The following MAN1C1 variants were observed in gnomAD, a reference collection of about 807,000 sequenced individuals.
MAN1C1 encodes the protein mannosidase alpha class 1C member 1.
MAN1C1 carries 49 observed loss-of-function variants against 71.5 expected under a neutral mutation model. The observed-to-expected ratio is 0.69, with a 90% CI of 0.54 to 0.87. The LOEUF is 0.87. MAN1C1 is among the 40% of genes least tolerant of loss of function. The pLI is 0.00. For synonymous variants in MAN1C1, 352 were observed against 343.7 expected, an observed-to-expected ratio of 1.02 and a Z score of -0.27; for missense variants, 743 against 835.0, an observed-to-expected ratio of 0.89 and a Z score of 1.36.
chr1:25,777,943 T>A (rs1460136373), intron 8 of MAN1C1, among the ~76,000 whole-genome samples, 162 bp from the exon 9 acceptor site: 1 of 152,174 alleles, frequency 6.6e-6, no homozygotes, highest in African/African-American at 2.4e-5. Context: ...CTGGCAGGCA[T>A]CTTGACCAGC....
chr1:25,758,035 C>G (rs2047312112), intron 5 of MAN1C1, among the ~76,000 whole-genome samples: 1 of 152,234 alleles, frequency 6.6e-6, no homozygotes, highest in Admixed American at 6.5e-5. Flanking sequence ...TATGTAGGTT[C>G]CATGAAATTC....
chr1:25,629,724 T>C (rs991598422), intron 1 of MAN1C1, among the ~76,000 whole-genome samples: 6 of 151,146 alleles, frequency 4.0e-5, no homozygotes, highest in African/African-American at 1.5e-4. Flanking sequence ...CCCAGCCATT[T>C]GCCCACTTTT....
Position 25,778,951 on chromosome 1 carries a change from G to C in MAN1C1, c.1477+627G>C, listed in dbSNP as rs1450942196. On this transcript the variant is annotated intron_variant, in intron 9 of 11. Transcript: ENST00000374332. The surrounding 1 kb of genome is among the most constrained non-coding windows in gnomAD (Gnocchi z 5.5). ...CATTCTACACAGAGAAGTGGAGTCA[G>C]CCCAGAGAGGGGAAGTGACTTAGCC... Among the ~76,000 whole-genome samples the C allele has an allele frequency of 6.6e-6, 1 of 152,180 alleles. No homozygotes were observed. Among genetic ancestry groups the C allele is most frequent in the East Asian group, 1.9e-4 (1 of 5,182 alleles).
intron 10 of MAN1C1, 149 bp downstream of exon 10, chr1:25,781,261 G>A: frequency 3.6e-6 from 3 of 833,472 alleles, no homozygotes; most frequent in South Asian, 1.8e-5. Context: ...GGTCAAGGTG[G>A]TGGTTACAGA....
At position 25,783,681 on chromosome 1, in the gene MAN1C1, C is replaced by A; in HGVS notation, c.1785C>A (p.Phe595Leu). 6.2e-7 allele frequency: 1 copy of A among 1,612,858 alleles called. No individual in the cohort carries two copies. ...AETLKYLYLL[F>L]SEDDLLSLED... ...GGCACAGGTATCTCTATCTTCTGTT[C>A]TCTGAAGATGACTTGCTCTCCCTGG... Residue 595 changes from phenylalanine (F) to leucine (L), a missense_variant, in exon 12 of 12, where the codon TTC (phenylalanine) becomes TTA (leucine). Coordinates refer to ENST00000374332, the MANE Select transcript of MAN1C1 (RefSeq NM_020379.4).
rs919563949 is a variant in MAN1C1 at position 25,630,200 on chromosome 1, G to A, written c.540+11863G>A. Among the ~76,000 whole-genome samples the A allele has an allele frequency of 9.9e-5, 15 of 151,966 alleles. No individual in the cohort carries two copies. In the East Asian group the frequency reaches 1.9e-3, roughly 19 times the overall value. On this transcript the variant is annotated intron_variant, in intron 1 of 11. Coordinates refer to ENST00000374332, the MANE Select transcript of MAN1C1 (RefSeq NM_020379.4). ...TTTTTATATGCTTCATCAAAGATCC[G>A]TTGGTTGTAAATATTTGGCTTTATC...
chr1:25,686,046 C>G (rs1195151944), intron 1 of MAN1C1, among the ~76,000 whole-genome samples: 1 of 152,210 alleles, frequency 6.6e-6, no homozygotes, highest in Non-Finnish European at 1.5e-5. Context: ...TTAACAATAC[C>G]TAGCTCGGAG....
At chr1:25,649,265 T>A (rs1311517528) in intron 1 of MAN1C1, among the ~76,000 whole-genome samples, 1 of 152,220 alleles carries the variant, frequency 6.6e-6, no homozygotes, top group Non-Finnish European at 1.5e-5. Flanking sequence ...GAAGAGGCTT[T>A]GTGTTTCCCA....
Position 25,656,418 on chromosome 1 carries a change from G to A in MAN1C1, c.541-30022G>A, listed in dbSNP as rs1208983961. Among the ~76,000 whole-genome samples, 6 of 152,084 alleles carry A rather than the reference G, an allele frequency of 3.9e-5. No homozygotes were observed. The East Asian group carries it at 7.7e-4, about 20-fold the overall frequency. ...GGGCCTATAATGTACTTTTAAAGAC[G>A]TCGTTTCATAATAAGGCTACGGAGA... On this transcript the variant is annotated intron_variant, in intron 1 of 11. Transcript: ENST00000374332.
intron 1 of MAN1C1, chr1:25,644,513 TATATA>T (rs1390325795): frequency 2.0e-5 from 2 of 101,872 alleles, no homozygotes; most frequent in African/African-American, 1.2e-4. Context: ...TATATATATA[TATATA>T]TTTTTTTTTT....
intron 4 of MAN1C1, among the ~76,000 whole-genome samples, chr1:25,751,148 T>C (rs1244135471): frequency 2.6e-5 from 4 of 151,316 alleles, no homozygotes; most frequent in Non-Finnish European, 3.0e-5. Context: ...TTCGTTCATC[T>C]TTCCTTCCAT....
chr1:25,660,230 C>T (rs1396347861), intron 1 of MAN1C1, among the ~76,000 whole-genome samples: 6 of 151,770 alleles, frequency 4.0e-5, no homozygotes, highest in African/African-American at 7.3e-5. Flanking sequence ...GGAGAAACCC[C>T]GTCTCTACTA....
intron 6 of MAN1C1, among the ~76,000 whole-genome samples, chr1:25,763,325 C>G (rs2047384850): frequency 6.6e-6 from 1 of 151,696 alleles, no homozygotes; most frequent in African/African-American, 2.4e-5. Flanking sequence ...CCTGTCTCTA[C>G]TAAAAATACA....
At chr1:25,677,182 G>A (rs1443825295) in intron 1 of MAN1C1, among the ~76,000 whole-genome samples, 1 of 152,208 alleles carries the variant, frequency 6.6e-6, no homozygotes, top group Non-Finnish European at 1.5e-5. Context: ...AGGTAGACAA[G>A]AACATCTTTT....
chr1:25,630,256 A>G (rs995431740), intron 1 of MAN1C1, among the ~76,000 whole-genome samples: 14 of 152,206 alleles, frequency 9.2e-5, no homozygotes, highest in African/African-American at 3.4e-4. Flanking sequence ...CCATGGGTCT[A>G]TGTGCCTACT....
intron 2 of MAN1C1, among the ~76,000 whole-genome samples, chr1:25,688,274 C>T (rs1209287147): frequency 2.0e-5 from 3 of 152,172 alleles, no homozygotes; most frequent in Non-Finnish European, 4.4e-5. Flanking sequence ...GTCTTACCTG[C>T]CTAGAACACA....
In MAN1C1 at chr1:25,631,525, C is replaced by T. The variant is rs1267815866; in HGVS notation, c.540+13188C>T. On this transcript the variant is annotated intron_variant, in intron 1 of 11. Coordinates refer to ENST00000374332, the MANE Select transcript of MAN1C1 (RefSeq NM_020379.4). The surrounding 1 kb of genome is among the most constrained non-coding windows in gnomAD (Gnocchi z 4.2). Reference sequence around the variant, plus strand: ...GATCGTATGGTTTTTGTTTTTAATTCTGTTTATGTGATATATGACATTTAT... The same window carrying T: ...GATCGTATGGTTTTTGTTTTTAATTTTGTTTATGTGATATATGACATTTAT... 6.6e-6 allele frequency among the ~76,000 whole-genome samples: 1 copy of T among 151,936 alleles called. No homozygotes were observed.
chr1:25,618,409 A>G, intron 1 of MAN1C1, 72 bp downstream of exon 1: 1 of 1,438,486 alleles, frequency 7.0e-7, no homozygotes. Context: ...TGGCGCTCCC[A>G]CCCCTTTCCC....
At chr1:25,676,344 C>T (rs1459608715) in intron 1 of MAN1C1, among the ~76,000 whole-genome samples, 5 of 152,134 alleles carry the variant, frequency 3.3e-5, no homozygotes, top group Non-Finnish European at 7.4e-5. Flanking sequence ...CCCCGCTTCA[C>T]CTCCCCGGGC....
Sources: gnomAD v4.1 joint callset for allele counts (sites outside exome capture counted in the v4.1 genomes callset) on GRCh38, gnomAD v4.1.1 for gene constraint, Gnocchi (gnomAD v3.1) non-coding constraint, MANE v1.5 for transcripts, NCBI Gene and HGNC (gene_info 2026-07-23, HGNC 2026-07-21) for gene names.